The following CLIP1 variants were observed in gnomAD, a reference collection of about 807,000 sequenced individuals.
CLIP1 encodes CAP-Gly domain containing linker protein 1.
A neutral mutation model predicts 161.6 loss-of-function variants in CLIP1; 66 were observed. That is an observed-to-expected ratio of 0.41 (90% CI 0.33 to 0.50). The LOEUF (loss-of-function observed/expected upper bound fraction) is 0.50. Ranked by LOEUF, CLIP1 falls within the 20% of genes least tolerant of loss-of-function variation. The pLI is 0.27. For missense variants in CLIP1, 1,376 were observed against 1,702.0 expected (o/e 0.81, Z 3.37); for synonymous variants, 598 against 626.2 (o/e 0.96, Z 0.67).
chr12:122,293,789 T>G (rs1052699182), intron 20 of CLIP1, among the ~76,000 whole-genome samples: 13 of 139,892 alleles, frequency 9.3e-5, no homozygotes, highest in Admixed American at 4.2e-4. Context: ...GAGAATTTGT[T>G]TTTTTTTTTG....
At chr12:122,296,718 G>T (rs1426730458) in intron 20 of CLIP1, among the ~76,000 whole-genome samples, 3 of 152,018 alleles carry the variant, frequency 2.0e-5, no homozygotes, top group Non-Finnish European at 4.4e-5. Context: ...TCAGGGTAGA[G>T]CTGAGTGCGG....
chr12:122,397,964 C>CA (rs113444750), intron 1 of CLIP1, among the ~76,000 whole-genome samples: 78,267 of 145,378 alleles, frequency 0.54, 22,457 homozygotes, highest in Non-Finnish European at 0.64. Flanking sequence ...CAAAAAAAAA[C>CA]AAAAAAAAAA....
intron 19 of CLIP1, among the ~76,000 whole-genome samples, chr12:122,314,650 C>A (rs914235471): frequency 5.3e-5 from 8 of 152,166 alleles, no homozygotes; most frequent in African/African-American, 1.9e-4. Context: ...GAGGGAGTCT[C>A]TCGTGGCAGT....
intron 20 of CLIP1, among the ~76,000 whole-genome samples, chr12:122,302,980 C>T (rs1442735312): frequency 2.0e-5 from 3 of 152,078 alleles, no homozygotes; most frequent in East Asian, 3.9e-4. Context: ...AGTCTCCTGG[C>T]TTGGCCTCCC....
At chr12:122,315,744 CATTCTCCTGCCTT>C (rs1418046577) in intron 19 of CLIP1, among the ~76,000 whole-genome samples, 1 of 151,540 alleles carries the variant, frequency 6.6e-6, no homozygotes, top group Non-Finnish European at 1.5e-5. Flanking sequence ...GGGTTCACGC[CATTCTCCTGCCTT>C]AGCCTCCTGA....
Position 122,327,154 on chromosome 12 carries a change from G to A in CLIP1, c.3249+793C>T, listed in dbSNP as rs893116206. On this transcript the variant is annotated intron_variant, in intron 17 of 25. Transcript: ENST00000620786. ...CGTGAAGTTACCAGAGTCACAAAAT[G>A]TACTGGGCAGGCCAGGCATGGTGGC... 4.6e-5 allele frequency among the ~76,000 whole-genome samples: 7 copies of A among 152,176 alleles called. No individual in the cohort carries two copies. The East Asian group carries it at 9.7e-4, about 21-fold the overall frequency.
intron 25 of CLIP1, 134 bp downstream of exon 25, chr12:122,273,904 G>T (rs1379945421): frequency 1.6e-5 from 11 of 668,400 alleles, no homozygotes; most frequent in Non-Finnish European, 2.3e-5. Flanking sequence ...GCTAACTTTT[G>T]TATTTTTAGT....
At chr12:122,278,651 T>G in intron 23 of CLIP1, 141 bp downstream of exon 23, 3 of 874,456 alleles carry the variant, frequency 3.4e-6, no homozygotes, top group South Asian at 2.0e-5. Context: ...GATTAGCCCT[T>G]GATTGATTAA....
At position 122,273,932 on chromosome 12, in the gene CLIP1, G is replaced by A. The variant is rs112700972; in HGVS notation, c.4091+106C>T. ...TTTTTAGTAGAGACGAGGTTTCATC[G>A]TGTTGGCCAGGCTGGTCTCGAACTC... is the stretch of plus-strand genomic sequence containing the variant. On this transcript the variant is annotated intron_variant, in intron 25 of 25. Coordinates refer to ENST00000620786, the MANE Select transcript of CLIP1 (RefSeq NM_001247997.2). 4.1e-3 allele frequency: 3,485 copies of A among 846,728 alleles called. 77 individuals are homozygous for A. In the African/African-American group the frequency reaches 0.052, roughly 13 times the overall value. The allele number at this position is 846,728 out of a possible 1,614,324, so 52.5% of individuals were successfully genotyped here. A position where few individuals can be genotyped will look rare whatever the true frequency, so the allele number is the denominator to read the frequency against.
At chr12:122,302,132 C>G (rs906159074) in intron 20 of CLIP1, among the ~76,000 whole-genome samples, 53 of 152,096 alleles carry the variant, frequency 3.5e-4, no homozygotes, top group Non-Finnish European at 7.4e-4. Context: ...GACAGTTTCA[C>G]TCTTGTTGCC....
intron 20 of CLIP1, among the ~76,000 whole-genome samples, chr12:122,308,730 T>A (rs1950965936): frequency 6.6e-6 from 1 of 152,214 alleles, no homozygotes; most frequent in African/African-American, 2.4e-5. Context: ...CAAGAGCCCA[T>A]AAATGTTAGC....
At chr12:122,377,289 T>A in intron 3 of CLIP1, 100 bp downstream of exon 3, 1 of 1,103,344 alleles carries the variant, frequency 9.1e-7, no homozygotes, top group Non-Finnish European at 1.3e-6. Flanking sequence ...ATTATAGGTG[T>A]GAGCCACCGC....
chr12:122,357,399 C>T (rs1418915231), intron 5 of CLIP1, among the ~76,000 whole-genome samples: 83 of 150,124 alleles, frequency 5.5e-4, no homozygotes, highest in African/African-American at 1.9e-3. Context: ...CCCCTCCGCC[C>T]GGCAGCCGCC....
chr12:122,329,314 A>C (rs533501864), intron 15 of CLIP1, among the ~76,000 whole-genome samples: 133 of 149,928 alleles, frequency 8.9e-4, no homozygotes, highest in African/African-American at 3.1e-3. Flanking sequence ...GCAACAAAGC[A>C]AGACTCTGCC....
At position 122,273,120 on chromosome 12, in the gene CLIP1, A is replaced by G; in HGVS notation, c.4092-20T>C. 1 of 1,593,674 alleles carries G rather than the reference A, an allele frequency of 6.3e-7. No homozygotes were observed. The highest frequency in any genetic ancestry group is 8.6e-7 in the Non-Finnish European group (1 of 1,165,488). On this transcript the variant is annotated intron_variant, in intron 25 of 25. Transcript: ENST00000620786. Reference sequence around the variant, plus strand: ...TCATCACTACAAATGTTAATGTGTGAAATCAGAAAATTTATCAGAAGAAAC... The same window carrying G: ...TCATCACTACAAATGTTAATGTGTGGAATCAGAAAATTTATCAGAAGAAAC...
rs1484149367 is a variant in CLIP1 at position 122,340,766 on chromosome 12, G to C, written c.2438C>G (p.Ala813Gly). Residue 813 changes from alanine (A) to glycine (G), a missense_variant, in exon 11 of 26, where the codon GCT becomes GGT. Physicochemically the swap from Ala to Gly is moderately conservative, Grantham distance 60. Around this residue, in one of 6 missense-constraint regions of CLIP1, gnomAD observed 948 missense variants for 1,134.8 expected, o/e 0.84. Coordinates refer to ENST00000620786, the MANE Select transcript of CLIP1 (RefSeq NM_001247997.2). ...GTCAATACAAACCTTGCTACTTTCA[G>C]CATTCTTTTCAATCTCTAAATGTTT... ...QIKHLEIEKN[A>G]ESSKASSITR... The C allele has an allele frequency of 6.3e-7, 1 of 1,578,464 alleles. No individual in the cohort carries two copies. Among genetic ancestry groups the C allele is most frequent in the African/African-American group, 1.4e-5 (1 of 73,134 alleles).
In CLIP1 at chr12:122,361,051, C is replaced by A; in HGVS notation, c.913G>T (p.Ala305Ser). 1.9e-6 allele frequency: 3 copies of A among 1,614,164 alleles called. No individual in the cohort carries two copies. The highest frequency in any genetic ancestry group is 2.5e-6 in the Non-Finnish European group (3 of 1,180,042). ...AVRRVMATTS[A>S]SLKRSPSASS... is the part of the protein sequence containing the mutation. ...GCAGAAGGGCTGCGCTTCAGGCTGG[C>A]GGACGTGGTCGCCATCACTCGCCTC... The change falls in exon 5 of 26, where the codon GCC becomes TCC. Residue 305 changes from alanine to serine, a missense_variant. Ala to Ser is a moderately conservative substitution (Grantham distance 99). Around this residue, in one of 6 missense-constraint regions of CLIP1, gnomAD observed 211 missense variants for 295.1 expected, o/e 0.72. Transcript: ENST00000620786.
At chr12:122,372,833 A>C (rs1413904487) in intron 3 of CLIP1, among the ~76,000 whole-genome samples, 1 of 152,264 alleles carries the variant, frequency 6.6e-6, no homozygotes, top group East Asian at 1.9e-4. Flanking sequence ...TCAGGTAAAG[A>C]ACAACTTCCC....
rs201670489 is a variant in CLIP1 at position 122,328,268 on chromosome 12, G to A, written c.3026C>T (p.Ser1009Leu). The A allele has an allele frequency of 2.7e-5, 44 of 1,613,926 alleles. No homozygotes were observed. Among genetic ancestry groups the A allele is most frequent in the South Asian group, 3.3e-5 (3 of 91,028 alleles). The stretch of plus-strand genomic sequence containing the variant: ...CACTGAGTATCTCCTTACCAGGTCC[G>A]ACAATTTCCTCTCCAATTCTTTCTT... Reference protein sequence around the residue: ...EEKKELERKLSDLEKKMETSH... With the variant: ...EEKKELERKLLDLEKKMETSH... Residue 1009 changes from serine to leucine, a missense_variant, in exon 16 of 26, where the codon TCG (serine) becomes TTG (leucine). By Grantham distance (145) the Ser-to-Leu change is moderately radical. Transcript: ENST00000620786.
Sources: gnomAD v4.1 joint callset for allele counts (sites outside exome capture counted in the v4.1 genomes callset) on GRCh38, gnomAD v4.1.1 for gene constraint, gnomAD v4.1.1 regional missense constraint, MANE v1.5 for transcripts, NCBI Gene and HGNC (gene_info 2026-07-23, HGNC 2026-07-21) for gene names.